AARS2: variants seen among roughly 807,000 people sequenced by gnomAD.
AARS2 encodes the protein alanine--tRNA ligase, mitochondrial.
AARS2 carries 78 observed loss-of-function variants against 119.7 expected under a neutral mutation model. That is an observed-to-expected ratio of 0.65 (90% confidence interval 0.54 to 0.79). AARS2 has a LOEUF of 0.79. AARS2 is among the 30% of genes least tolerant of loss of function. The pLI is 0.00. For missense variants in AARS2, 1,157 were observed against 1,291.3 expected, an observed-to-expected ratio of 0.90 and a Z score of 1.59; for synonymous variants, 502 against 526.3, an observed-to-expected ratio of 0.95 and a Z score of 0.63.
At chr6:44,303,461 A>C (rs1360680147) in intron 14 of AARS2, 38 bp from the exon 15 acceptor site, 10 of 1,613,576 alleles carry the variant, frequency 6.2e-6, no homozygotes, top group Non-Finnish European at 7.6e-6. Flanking sequence ...ACCAACATGC[A>C]GTCAGCCCCA....
At position 44,307,008 on chromosome 6, in the gene AARS2, C is replaced by T. The variant is rs768992661; in HGVS notation, c.1064G>A (p.Arg355His). The T allele has an allele frequency of 3.6e-5, 58 of 1,613,946 alleles. No homozygotes were observed. In the East Asian group the frequency reaches 3.8e-4, roughly 11 times the overall value. The change falls in exon 7 of 22, where the codon CGT (arginine) becomes CAT (histidine). Residue 355 changes from arginine to histidine, a missense_variant. Physicochemically the swap from Arg to His is conservative, Grantham distance 29 (BLOSUM62 0). Coordinates refer to ENST00000244571, the MANE Select transcript of AARS2 (RefSeq NM_020745.4). This position sits in a 1 kb window ranked among gnomAD's most constrained non-coding sequence, Gnocchi z 4.4. ...GPPLVLRRILRRAVRFSMEIL... is the reference protein window; with the variant it reads ...GPPLVLRRILHRAVRFSMEIL... The stretch of plus-strand genomic sequence containing the variant: ...CTCCATGGAGAAACGCACAGCTCGA[C>T]GCAGGATCCGACGAAGAACCAGCCT...
Position 44,305,273 on chromosome 6 carries a change from G to T in AARS2, c.1435-75C>A. On this transcript the variant is annotated intron_variant, in intron 10 of 21. Coordinates refer to ENST00000244571, the MANE Select transcript of AARS2 (RefSeq NM_020745.4). The surrounding 1 kb of genome is among the most constrained non-coding windows in gnomAD (Gnocchi z 4.6). ...GAAAGTGGGACTTCAGCCTCGCAGGGCCCTGTCCCTGCCACACAGCTGTGG... is the reference window on the plus strand; with the variant it reads ...GAAAGTGGGACTTCAGCCTCGCAGGTCCCTGTCCCTGCCACACAGCTGTGG... The T allele has an allele frequency of 6.3e-7, 1 of 1,587,578 alleles. No individual in the cohort carries two copies. Among genetic ancestry groups the T allele is most frequent in the Non-Finnish European group, 8.5e-7 (1 of 1,170,138 alleles).
chr6:44,312,634 A>G (rs1021570605), intron 1 of AARS2, among the ~76,000 whole-genome samples: 1 of 152,180 alleles, frequency 6.6e-6, no homozygotes, highest in Non-Finnish European at 1.5e-5. Flanking sequence ...TTTAGTAGGG[A>G]GCCCAGACGG....
chr6:44,307,230 G>A lies in AARS2; in HGVS notation c.1040+19C>T. On this transcript the variant is annotated intron_variant, in intron 6 of 21. Coordinates refer to ENST00000244571, the MANE Select transcript of AARS2 (RefSeq NM_020745.4). This position sits in a 1 kb window ranked among gnomAD's most constrained non-coding sequence, Gnocchi z 4.4. Reference sequence around the variant, plus strand: ...ACCCCCAGCAGCCCCTGTCCTCTCTGTAGCCCTTCCAGACTCACGGGGGAC... The same window carrying A: ...ACCCCCAGCAGCCCCTGTCCTCTCTATAGCCCTTCCAGACTCACGGGGGAC... The A allele has an allele frequency of 1.2e-6, 2 of 1,613,818 alleles. No homozygotes were observed. Among genetic ancestry groups the A allele is most frequent in the Non-Finnish European group, 1.7e-6 (2 of 1,179,948 alleles).
At chr6:44,306,175 G>A (rs960053605) in intron 9 of AARS2, 105 bp downstream of exon 9, 5 of 1,074,720 alleles carry the variant, frequency 4.7e-6, no homozygotes, top group Non-Finnish European at 7.2e-6. Flanking sequence ...TTGGGAAGAG[G>A]TCAGGGGTGG....
Position 44,302,849 on chromosome 6 carries a change from T to C in AARS2, c.2317A>G (p.Lys773Glu), listed in dbSNP as rs910317117. The stretch of plus-strand genomic sequence containing the variant: ...ACGGCCAGCAGGCGGGTAGTGCCCT[T>C]GGAAAGCTGGCGGTCCCCGATGATA... ...LVIIGDRQLS[K>E]GTTRLLAVTG... Residue 773 changes from lysine to glutamate, a missense_variant, in exon 17 of 22, where the codon AAG becomes GAG. By Grantham distance (56) the Lys-to-Glu change is moderately conservative. Coordinates refer to ENST00000244571, the MANE Select transcript of AARS2 (RefSeq NM_020745.4). The C allele has an allele frequency of 1.2e-6, 2 of 1,614,080 alleles. No homozygotes were observed. Among genetic ancestry groups the C allele is most frequent in the Non-Finnish European group, 1.7e-6 (2 of 1,180,024 alleles).
chr6:44,313,048 C>G (rs1175777870), intron 1 of AARS2, 33 bp downstream of exon 1: 1 of 1,611,606 alleles, frequency 6.2e-7, no homozygotes, highest in African/African-American at 1.3e-5. Flanking sequence ...AACTCACGAA[C>G]TCCGCTCCCT....
Position 44,299,062 on chromosome 6 carries a change from C to T in AARS2, c.*1485G>A, listed in dbSNP as rs886061481. Reference sequence around the variant, plus strand: ...TATCCCAGCTCACTGCTCAGTGGCACTGGCCACCTCACGGCCTCTGCATTG... The same window carrying T: ...TATCCCAGCTCACTGCTCAGTGGCATTGGCCACCTCACGGCCTCTGCATTG... On this transcript the variant is annotated 3_prime_UTR_variant, in exon 22 of 22. Coordinates refer to ENST00000244571, the MANE Select transcript of AARS2 (RefSeq NM_020745.4). Among the ~76,000 whole-genome samples the T allele has an allele frequency of 6.6e-6, 1 of 152,188 alleles. No individual in the cohort carries two copies. Among genetic ancestry groups the T allele is most frequent in the Non-Finnish European group, 1.5e-5 (1 of 68,042 alleles).
At position 44,313,127 on chromosome 6, in the gene AARS2, G is replaced by A; in HGVS notation, c.197C>T (p.Pro66Leu). Residue 66 changes from proline to leucine, a missense_variant, in exon 1 of 22, where the codon CCC (proline) becomes CTC (leucine). By Grantham distance (98) the Pro-to-Leu change is moderately conservative (BLOSUM62 -3). Coordinates refer to ENST00000244571, the MANE Select transcript of AARS2 (RefSeq NM_020745.4). ...HRLVPSASVR[P>L]RGDPSLLFVN... Reference sequence around the variant, plus strand: ...AAAAAGCAAACTGGGGTCGCCGCGGGGCCGCACGGAAGCGGAGGGCACCAG... The same window carrying A: ...AAAAAGCAAACTGGGGTCGCCGCGGAGCCGCACGGAAGCGGAGGGCACCAG... 6.2e-7 allele frequency: 1 copy of A among 1,612,792 alleles called. No homozygotes were observed. Among genetic ancestry groups the A allele is most frequent in the Non-Finnish European group, 8.5e-7 (1 of 1,179,738 alleles).
chr6:44,301,056 A>C, intron 21 of AARS2, 100 bp downstream of exon 21: 2 of 1,070,564 alleles, frequency 1.9e-6, no homozygotes, highest in Non-Finnish European at 2.7e-6. Context: ...ACTTCCACCC[A>C]GCCTTGGCCC....
Position 44,305,039 on chromosome 6 carries a change from G to A in AARS2, c.1579+15C>T. The A allele has an allele frequency of 6.2e-7, 1 of 1,614,044 alleles. No individual in the cohort carries two copies. On this transcript the variant is annotated intron_variant, in intron 11 of 21. Transcript: ENST00000244571. This position sits in a 1 kb window ranked among gnomAD's most constrained non-coding sequence, Gnocchi z 4.6. ...AGGCAAGCTTGTGGCGGCAGGCCTT[G>A]GTCCAGGCTCTCACCATAACTTCCG...
At chr6:44,309,854 T>TC in intron 5 of AARS2, among the ~76,000 whole-genome samples, 1 of 152,260 alleles carries the variant, frequency 6.6e-6, no homozygotes, top group South Asian at 2.1e-4. Flanking sequence ...TGGTGAGCCT[T>TC]CCCCAAGCAC....
In AARS2 at chr6:44,302,521, G is replaced by C. The variant is rs1353746649; in HGVS notation, c.2365-8C>G. ...CTGGCCTAGCTCTCGGGCCTGCAGGGAGGGGACAGGAGGGTCAGGATTACA... is the reference window on the plus strand; with the variant it reads ...CTGGCCTAGCTCTCGGGCCTGCAGGCAGGGGACAGGAGGGTCAGGATTACA... On this transcript the variant is annotated splice_region_variant and splice_polypyrimidine_tract_variant and intron_variant, in intron 17 of 21. Coordinates refer to ENST00000244571, the MANE Select transcript of AARS2 (RefSeq NM_020745.4). The C allele has an allele frequency of 2.5e-6, 4 of 1,613,854 alleles. No homozygotes were observed. In the East Asian group the frequency reaches 6.7e-5, roughly 27 times the overall value.
intron 14 of AARS2, 81 bp from the exon 15 acceptor site, chr6:44,303,504 T>C (rs77510689): frequency 1.9e-6 from 3 of 1,602,064 alleles, no homozygotes; most frequent in Non-Finnish European, 2.6e-6. Context: ...ACACGGTCAA[T>C]GTTCACTGAG....
In AARS2 at chr6:44,313,232, G is replaced by A. The variant is rs1235736066; in HGVS notation, c.92C>T (p.Ser31Leu). The change falls in exon 1 of 22, where the codon TCA becomes TTA. Residue 31 changes from serine (S) to leucine (L), a missense_variant. Physicochemically the swap from Ser to Leu is moderately radical, Grantham distance 145 (BLOSUM62 -2). Coordinates refer to ENST00000244571, the MANE Select transcript of AARS2 (RefSeq NM_020745.4). ...GGCCTTGGCTGCAGGGGGCTCCGATGAGAGCGGCCGATGGCTGAGGCCCCG... is the reference window on the plus strand; with the variant it reads ...GGCCTTGGCTGCAGGGGGCTCCGATAAGAGCGGCCGATGGCTGAGGCCCCG... ...AWRGLSHRPL[S>L]SEPPAAKASA... 3 of 1,593,002 alleles carry A rather than the reference G, an allele frequency of 1.9e-6. No individual in the cohort carries two copies. The highest frequency in any genetic ancestry group is 3.5e-5 in the Admixed American group (2 of 57,284).
In AARS2 at chr6:44,303,384, T is replaced by C; in HGVS notation, c.2047A>G (p.Thr683Ala). The C allele has an allele frequency of 6.2e-7, 1 of 1,613,874 alleles. No homozygotes were observed. The highest frequency in any genetic ancestry group is 8.5e-7 in the Non-Finnish European group (1 of 1,179,964). ...TPEQLRAVENTVQEAVGQDEA... is the reference protein window; with the variant it reads ...TPEQLRAVENAVQEAVGQDEA... ...TCCTGCCCCACGGCCTCCTGCACAG[T>C]GTTCTCCACTGCCCGGAGCTGCTCT... The change falls in exon 15 of 22, where the codon ACT becomes GCT. Residue 683 changes from threonine (T) to alanine (A), a missense_variant. Physicochemically the swap from Thr to Ala is moderately conservative, Grantham distance 58. Coordinates refer to ENST00000244571, the MANE Select transcript of AARS2 (RefSeq NM_020745.4).
intron 3 of AARS2, 50 bp downstream of exon 3, chr6:44,311,340 T>C (rs773929944): frequency 5.0e-6 from 8 of 1,613,436 alleles, no homozygotes; most frequent in Non-Finnish European, 6.8e-6. Flanking sequence ...GTCTCCACTT[T>C]CCAGTCCTCC....
At chr6:44,312,644 G>C (rs1423183946) in intron 1 of AARS2, among the ~76,000 whole-genome samples, 1 of 152,146 alleles carries the variant, frequency 6.6e-6, no homozygotes, top group South Asian at 2.1e-4. Flanking sequence ...AGCCCAGACG[G>C]CCTCTAAGGT....
At chr6:44,308,465 G>C (rs1786056869) in intron 5 of AARS2, among the ~76,000 whole-genome samples, 1 of 151,432 alleles carries the variant, frequency 6.6e-6, no homozygotes, top group South Asian at 2.1e-4. Flanking sequence ...CTTGAGCCCC[G>C]GAGGCAGAGG....
Sources: allele counts gnomAD v4.1 joint callset (sites outside exome capture counted in the v4.1 genomes callset), GRCh38; gene constraint gnomAD v4.1.1; non-coding constraint Gnocchi (gnomAD v3.1); transcripts MANE v1.5; gene names NCBI Gene and HGNC (gene_info 2026-07-23, HGNC 2026-07-21).